LRRC37A2: variants seen among roughly 807,000 people sequenced by gnomAD.
The protein encoded by LRRC37A2 is leucine rich repeat containing 37 member A2.
Under a neutral mutation model 68.8 loss-of-function variants are expected in LRRC37A2, and 9 were observed. The ratio of observed to expected loss-of-function variants is 0.13; its 90% confidence interval spans 0.08 to 0.23. The LOEUF (loss-of-function observed/expected upper bound fraction) is 0.23. Ranked by LOEUF, LRRC37A2 falls within the 10% of genes least tolerant of loss-of-function variation. LRRC37A2 has a pLI of 1.00. For missense variants in LRRC37A2, 168 were observed against 950.4 expected, an observed-to-expected ratio of 0.18 and a Z score of 10.82; for synonymous variants, 63 against 367.6, an observed-to-expected ratio of 0.17 and a Z score of 9.48.
At chr17:46,575,478 T>A in the LRRC37A2 span, among the ~76,000 whole-genome samples, 1 of 146,938 alleles carries the variant, frequency 6.8e-6, no homozygotes, top group Admixed American at 6.8e-5. Flanking sequence ...GAACAGAGGC[T>A]GACTGAGGAG....
chr17:46,846,725 C>T, the LRRC37A2 span, among the ~76,000 whole-genome samples: 1 of 152,120 alleles, frequency 6.6e-6, no homozygotes, highest in African/African-American at 2.4e-5. Context: ...AGGCAAGGGG[C>T]AAGAGAAGGT....
At chr17:46,826,731 T>A in the LRRC37A2 span, among the ~76,000 whole-genome samples, 2 of 151,758 alleles carry the variant, frequency 1.3e-5, no homozygotes, top group South Asian at 4.2e-4. Context: ...CTGGGACATG[T>A]AAAATGATCG....
At chr17:46,931,669 G>T in the LRRC37A2 span, 1 of 174,770 alleles carries the variant, frequency 5.7e-6, no homozygotes. Context: ...CACCCCCAGC[G>T]CCTGTTTCCA....
chr17:46,946,513 A>C, the LRRC37A2 span, among the ~76,000 whole-genome samples: 1 of 152,110 alleles, frequency 6.6e-6, no homozygotes, highest in East Asian at 1.9e-4. Flanking sequence ...TTGTGGAAAA[A>C]AAAAAAAGAA....
the LRRC37A2 span, among the ~76,000 whole-genome samples, chr17:46,746,888 G>T: frequency 6.6e-6 from 1 of 152,174 alleles, no homozygotes; most frequent in Admixed American, 6.5e-5. Flanking sequence ...CTGATCTGGA[G>T]AGGTGCCATA....
At chr17:46,798,347 C>T in the LRRC37A2 span, among the ~76,000 whole-genome samples, 4 of 152,186 alleles carry the variant, frequency 2.6e-5, no homozygotes, top group African/African-American at 4.8e-5. Context: ...GGCCTAGTCA[C>T]GGTCTGGTCC....
At chr17:46,815,471 C>A in the LRRC37A2 span, among the ~76,000 whole-genome samples, 12 of 152,242 alleles carry the variant, frequency 7.9e-5, no homozygotes, top group Admixed American at 7.9e-4. Flanking sequence ...CTGGGGAATG[C>A]ATGAGCTGGG....
the LRRC37A2 span, chr17:47,017,691 A>G: frequency 3.1e-6 from 5 of 1,610,872 alleles, no homozygotes; most frequent in South Asian, 1.1e-5. Context: ...TATTGGAATT[A>G]TACGCCAATT....
the LRRC37A2 span, among the ~76,000 whole-genome samples, chr17:46,795,460 G>A: frequency 6.6e-6 from 1 of 152,128 alleles, no homozygotes; most frequent in African/African-American, 2.4e-5. Context: ...GCAAAGGGAC[G>A]ACAGCAAATT....
the LRRC37A2 span, chr17:46,773,753 C>T: frequency 1.9e-6 from 3 of 1,613,094 alleles, no homozygotes; most frequent in Non-Finnish European, 1.7e-6. Context: ...GGTGCTGGCA[C>T]TCCTGGATGC....
At chr17:46,760,633 C>CAAAAAAAAAA in the LRRC37A2 span, among the ~76,000 whole-genome samples, 10 of 61,172 alleles carry the variant, frequency 1.6e-4, no homozygotes, top group Admixed American at 3.9e-4. Context: ...GACCCTATCT[C>CAAAAAAAAAA]AAAAAAAAAA....
At chr17:46,854,286 T>C in the LRRC37A2 span, among the ~76,000 whole-genome samples, 1 of 152,356 alleles carries the variant, frequency 6.6e-6, no homozygotes, top group Non-Finnish European at 1.5e-5. Flanking sequence ...ATCAGTCATC[T>C]ACACTGTAGT....
At chr17:46,966,539 A>G in the LRRC37A2 span, 6 of 692,498 alleles carry the variant, frequency 8.7e-6, no homozygotes, top group African/African-American at 3.5e-5. Flanking sequence ...TGCAGAGACA[A>G]GGTCTCACCA....
At chr17:46,891,073 G>C in the LRRC37A2 span, among the ~76,000 whole-genome samples, 1 of 151,670 alleles carries the variant, frequency 6.6e-6, no homozygotes, top group Admixed American at 6.6e-5. Context: ...AGCACCTGAT[G>C]GGGAGAGACA....
intron 6 of LRRC37A2, among the ~76,000 whole-genome samples, chr17:46,532,943 A>C (rs1282658171): frequency 1.5e-5 from 2 of 133,118 alleles, no homozygotes; most frequent in East Asian, 4.4e-4. Flanking sequence ...TCTACAAAAA[A>C]AATGTAAAAG....
chr17:46,494,570 A>G, the LRRC37A2 span, among the ~76,000 whole-genome samples: 1 of 151,182 alleles, frequency 6.6e-6, no homozygotes, highest in South Asian at 2.1e-4. Flanking sequence ...TGTTTCGATT[A>G]TTAGAAAAAC....
chr17:46,709,490 A>G, the LRRC37A2 span, among the ~76,000 whole-genome samples: 1 of 151,526 alleles, frequency 6.6e-6, no homozygotes, highest in South Asian at 2.1e-4. Context: ...AAGCCAGCCT[A>G]TAATTTTTTT....
chr17:47,029,258 G>T, the LRRC37A2 span, among the ~76,000 whole-genome samples: 1 of 151,748 alleles, frequency 6.6e-6, no homozygotes, highest in East Asian at 2.0e-4. Context: ...TGGCCAAGAT[G>T]GTGTTTATGT....
the LRRC37A2 span, among the ~76,000 whole-genome samples, chr17:46,737,807 T>G: frequency 6.6e-6 from 1 of 151,694 alleles, no homozygotes; most frequent in Non-Finnish European, 1.5e-5. Flanking sequence ...GAAAGATGAG[T>G]AAAAGGGAGA....
Sources: allele counts gnomAD v4.1 joint callset (sites outside exome capture counted in the v4.1 genomes callset), GRCh38; gene constraint gnomAD v4.1.1; transcripts MANE v1.5; gene names NCBI Gene and HGNC (gene_info 2026-07-23, HGNC 2026-07-21).